Variants in SMG6 observed in about 807,000 individuals in gnomAD.
SMG6 encodes SMG6 nonsense mediated mRNA decay factor.
In SMG6, 66 loss-of-function variants were observed where a neutral mutation model predicts 142.2. That is an observed-to-expected ratio of 0.46 (90% CI 0.38 to 0.57). The LOEUF is 0.57. Ranked by LOEUF, SMG6 falls within the 20% of genes least tolerant of loss-of-function variation. The probability of loss-of-function intolerance (pLI) is 0.00; values close to 1 mark genes in which losing one functional copy is unlikely to be tolerated. For missense variants in SMG6, 1,793 were observed against 1,832.0 expected (o/e 0.98, Z 0.39); for synonymous variants, 779 against 702.4 (o/e 1.11, Z -1.72).
At chr17:2,280,518 C>T (rs2074762279) in intron 8 of SMG6, 1 of 812,752 alleles carries the variant, frequency 1.2e-6, no homozygotes. Context: ...TCGCCTCGGC[C>T]TCCTAAAGTG....
At chr17:2,143,434 G>A (rs1355371778) in intron 13 of SMG6, among the ~76,000 whole-genome samples, 1 of 152,118 alleles carries the variant, frequency 6.6e-6, no homozygotes. Flanking sequence ...GCTGTGACAT[G>A]GATGAACCTT....
chr17:2,151,804 G>T (rs1481026907), intron 13 of SMG6, among the ~76,000 whole-genome samples: 1 of 152,186 alleles, frequency 6.6e-6, no homozygotes, highest in Non-Finnish European at 1.5e-5. Flanking sequence ...GAGACCCATG[G>T]TGAGTATGTT....
rs749434185 is a variant in SMG6 at position 2,061,491 on chromosome 17, C to G, written c.*1G>C. 141 of 1,571,534 alleles carry G rather than the reference C, an allele frequency of 9.0e-5. 1 individual carries two copies. The South Asian group carries it at 1.6e-3, about 17-fold the overall frequency. ...GGGGGGGGGGCCCCAGTGTGGCTCCCTCAGCCCACCTGGGCCCACGTGAGG... is the reference window on the plus strand; with the variant it reads ...GGGGGGGGGGCCCCAGTGTGGCTCCGTCAGCCCACCTGGGCCCACGTGAGG... On this transcript the variant is annotated 3_prime_UTR_variant, in exon 19 of 19. Transcript: ENST00000263073.
At chr17:2,286,768 T>TA (rs984476855) in intron 6 of SMG6, among the ~76,000 whole-genome samples, 1 of 151,914 alleles carries the variant, frequency 6.6e-6, no homozygotes, top group Non-Finnish European at 1.5e-5. Flanking sequence ...TCAGCAAAAT[T>TA]AAAAAACACT....
chr17:2,250,811 A>T (rs993253619), intron 8 of SMG6, among the ~76,000 whole-genome samples: 1 of 152,206 alleles, frequency 6.6e-6, no homozygotes, highest in East Asian at 1.9e-4. Flanking sequence ...CAGGACTTTC[A>T]CAGCATTCAA....
chr17:2,156,556 G>C (rs1258624249), intron 13 of SMG6, among the ~76,000 whole-genome samples: 1 of 152,276 alleles, frequency 6.6e-6, no homozygotes, highest in East Asian at 1.9e-4. Context: ...CCTGTCAGAT[G>C]CAAGACTGGG....
At chr17:2,175,398 C>T (rs576565643) in intron 12 of SMG6, among the ~76,000 whole-genome samples, 1 of 152,114 alleles carries the variant, frequency 6.6e-6, no homozygotes, top group East Asian at 1.9e-4. Context: ...TTACCCACGG[C>T]TGCCACAGTG....
intron 10 of SMG6, among the ~76,000 whole-genome samples, chr17:2,223,106 A>G (rs2073223525): frequency 6.6e-6 from 1 of 152,212 alleles, no homozygotes; most frequent in Non-Finnish European, 1.5e-5. Context: ...GCTGGAGAAG[A>G]GATGCAGAAA....
At chr17:2,288,648 A>T (rs1166418610) in intron 6 of SMG6, among the ~76,000 whole-genome samples, 1 of 148,150 alleles carries the variant, frequency 6.7e-6, no homozygotes, top group African/African-American at 2.5e-5. Flanking sequence ...TGGGTAAGAT[A>T]GGCAGGGCTG....
intron 13 of SMG6, among the ~76,000 whole-genome samples, chr17:2,091,691 G>C: frequency 7.4e-6 from 1 of 135,002 alleles, no homozygotes; most frequent in South Asian, 2.2e-4. Flanking sequence ...TTTTTTTTGA[G>C]AGAGAGTCTC....
chr17:2,189,342 C>T (rs2072090342), intron 10 of SMG6, among the ~76,000 whole-genome samples: 1 of 152,158 alleles, frequency 6.6e-6, no homozygotes, highest in Non-Finnish European at 1.5e-5. Context: ...CAAAAGCCTG[C>T]CTGTACCTAC....
At chr17:2,159,119 A>C (rs1394879055) in intron 13 of SMG6, among the ~76,000 whole-genome samples, 1 of 152,126 alleles carries the variant, frequency 6.6e-6, no homozygotes, top group Non-Finnish European at 1.5e-5. Context: ...ATTATTCAGG[A>C]AAATGACTAT....
At chr17:2,281,700 T>C (rs1488122968) in intron 8 of SMG6, among the ~76,000 whole-genome samples, 1 of 152,198 alleles carries the variant, frequency 6.6e-6, no homozygotes, top group Non-Finnish European at 1.5e-5. Flanking sequence ...AGCTTCCTAC[T>C]ATTTTCAGGA....
chr17:2,127,406 T>C lies in SMG6; in HGVS notation c.3358-41505A>G, dbSNP rs1597433120. 7 of 735,210 alleles carry C rather than the reference T, an allele frequency of 9.5e-6. No individual in the cohort carries two copies. In the East Asian group the frequency reaches 1.0e-4, roughly 10 times the overall value. 45.5% of individuals were successfully genotyped at this position (735,210 alleles called of 1,614,324 possible). A position where few individuals can be genotyped will look rare whatever the true frequency, so the allele number is the denominator to read the frequency against. ...GAAATGGTAAATCCTTTTCCCCCCC[T>C]CTTTAAATAGACACTTTATTAGATC... On this transcript the variant is annotated intron_variant, in intron 13 of 18. Transcript: ENST00000263073.
rs1297242542 is a variant in SMG6 at position 2,080,935 on chromosome 17, A to G, written c.3681+875T>C. ...CAGGCGTGAGCCACCGCGCCCGGCC[A>G]GCACTTTCATTTAACAGATGAGGAA... On this transcript the variant is annotated intron_variant, in intron 15 of 18. Coordinates refer to ENST00000263073, the MANE Select transcript of SMG6 (RefSeq NM_017575.5). 2.6e-5 allele frequency among the ~76,000 whole-genome samples: 4 copies of G among 152,310 alleles called. No homozygotes were observed. The East Asian group carries it at 7.7e-4, about 29-fold the overall frequency.
At chr17:2,127,572 G>A (rs1164637293) in intron 13 of SMG6, 5 of 589,314 alleles carry the variant, frequency 8.5e-6, no homozygotes, top group Middle Eastern at 3.5e-4. Flanking sequence ...CTCTCTGGGT[G>A]ACGGCCCAAT....
At chr17:2,110,078 T>A (rs2069268456) in intron 13 of SMG6, among the ~76,000 whole-genome samples, 1 of 104,252 alleles carries the variant, frequency 9.6e-6, no homozygotes. Context: ...TGAGATTCCA[T>A]CTCAAAAAAA....
intron 13 of SMG6, among the ~76,000 whole-genome samples, chr17:2,098,716 T>C (rs1350093430): frequency 6.6e-6 from 1 of 152,118 alleles, no homozygotes; most frequent in Non-Finnish European, 1.5e-5. Context: ...CTGAAACCTC[T>C]GCCTCCTGTG....
At chr17:2,294,806 G>T (rs889438055) in intron 4 of SMG6, among the ~76,000 whole-genome samples, 1 of 151,424 alleles carries the variant, frequency 6.6e-6, no homozygotes, top group East Asian at 1.9e-4. Context: ...CAGGAGCACG[G>T]TTTTTTTTCA....
Sources: gnomAD v4.1 joint callset for allele counts (sites outside exome capture counted in the v4.1 genomes callset) on GRCh38, gnomAD v4.1.1 for gene constraint, MANE v1.5 for transcripts, NCBI Gene and HGNC (gene_info 2026-07-23, HGNC 2026-07-21) for gene names.